Variants in P3H2 observed in about 807,000 individuals in gnomAD.
P3H2 encodes the protein leprecan-like 1.
A neutral mutation model predicts 87.0 loss-of-function variants in P3H2; 80 were observed. The ratio of observed to expected loss-of-function variants is 0.92; its 90% CI spans 0.77 to 1.11. The LOEUF (loss-of-function observed/expected upper bound fraction) is 1.11, where lower values mean the gene tolerates loss of function less well. Ranked by LOEUF, P3H2 falls within the 50% of genes least tolerant of loss-of-function variation. P3H2 has a pLI of 0.00. For missense variants in P3H2, 1,001 were observed against 923.9 expected (o/e 1.08, Z -1.08); for synonymous variants, 367 against 359.3 (o/e 1.02, Z -0.24).
chr3:190,120,932 C>A (rs915195487), upstream of P3H2: 5 of 724,266 alleles, frequency 6.9e-6, no homozygotes, highest in Non-Finnish European at 1.0e-5. Flanking sequence ...CTTAAAGGGA[C>A]GCCCACAGCT....
chr3:189,999,936 A>T (rs2108927439), intron 1 of P3H2, among the ~76,000 whole-genome samples: 1 of 152,310 alleles, frequency 6.6e-6, no homozygotes, highest in African/African-American at 2.4e-5. Context: ...TGGACAAAGA[A>T]ATGAACATTG....
At chr3:190,104,822 A>G (rs1283991876) in intron 1 of P3H2, among the ~76,000 whole-genome samples, 1 of 152,162 alleles carries the variant, frequency 6.6e-6, no homozygotes, top group African/African-American at 2.4e-5. Flanking sequence ...ACTGATGCCA[A>G]TCATGCATGT....
At chr3:190,078,578 C>A (rs1726944152) in intron 1 of P3H2, among the ~76,000 whole-genome samples, 1 of 152,064 alleles carries the variant, frequency 6.6e-6, no homozygotes, top group African/African-American at 2.4e-5. Flanking sequence ...GCAAAGGAGA[C>A]CAACGAGCTA....
In P3H2 at chr3:189,974,598, A is replaced by G. The variant is rs933120892; in HGVS notation, c.1412T>C (p.Leu471Pro). ...GAGCTCCCGGCACTGTTCTTCCGAC[A>G]GGACGTTATCCAGGAGAACCCGCTG... ...GTQRVLLDNV[L>P]SEEQCRELHS... The change falls in exon 9 of 15, where the codon CTG becomes CCG. Residue 471 changes from leucine (L) to proline (P), a missense_variant. Coordinates refer to ENST00000319332, the MANE Select transcript of P3H2 (RefSeq NM_018192.4). The G allele has an allele frequency of 6.2e-7, 1 of 1,614,162 alleles. No homozygotes were observed. Among genetic ancestry groups the G allele is most frequent in the Non-Finnish European group, 8.5e-7 (1 of 1,180,024 alleles).
intron 3 of P3H2, among the ~76,000 whole-genome samples, chr3:189,993,408 C>T (rs917469505): frequency 6.6e-6 from 1 of 151,258 alleles, no homozygotes; most frequent in Non-Finnish European, 1.5e-5. Context: ...TTATATTTTA[C>T]ACTTATATTG....
Position 190,120,854 on chromosome 3 carries a change from C to G in P3H2, c.-123G>C. On this transcript the variant is annotated 5_prime_UTR_variant, in exon 1 of 15. Coordinates refer to ENST00000319332, the MANE Select transcript of P3H2 (RefSeq NM_018192.4). Reference sequence around the variant, plus strand: ...CCGACTCCGCCGCGATCTGGCCGCTCCGCGAGCCCCAGGTGACCGCCGGCG... The same window carrying G: ...CCGACTCCGCCGCGATCTGGCCGCTGCGCGAGCCCCAGGTGACCGCCGGCG... The G allele has an allele frequency of 7.1e-7, 1 of 1,411,820 alleles. No homozygotes were observed. Among genetic ancestry groups the G allele is most frequent in the Non-Finnish European group, 9.3e-7 (1 of 1,079,752 alleles). 87.5% of individuals were successfully genotyped at this position (1,411,820 alleles called of 1,614,324 possible). A position where few individuals can be genotyped will look rare whatever the true frequency, so the allele number is the denominator to read the frequency against.
chr3:189,976,774 T>C (rs902645977), intron 8 of P3H2, among the ~76,000 whole-genome samples: 1 of 152,210 alleles, frequency 6.6e-6, no homozygotes, highest in Non-Finnish European at 1.5e-5. Flanking sequence ...TAATTGCTTC[T>C]CTTAATTTTT....
intron 6 of P3H2, among the ~76,000 whole-genome samples, chr3:189,986,546 G>A (rs777286401): frequency 1.3e-5 from 2 of 152,066 alleles, no homozygotes; most frequent in Admixed American, 6.6e-5. Flanking sequence ...CCGAGATCAC[G>A]CCACTGCACT....
chr3:190,043,063 G>A (rs1725689209), intron 1 of P3H2, among the ~76,000 whole-genome samples: 1 of 152,128 alleles, frequency 6.6e-6, no homozygotes, highest in Non-Finnish European at 1.5e-5. Context: ...GAGAGAGTAA[G>A]TATAGGAAAG....
chr3:190,045,821 G>A (rs1227091621), intron 1 of P3H2, among the ~76,000 whole-genome samples: 1 of 151,934 alleles, frequency 6.6e-6, no homozygotes, highest in Non-Finnish European at 1.5e-5. Context: ...CTCAGCTCAT[G>A]GTTAAGAGTT....
intron 1 of P3H2, among the ~76,000 whole-genome samples, chr3:190,058,363 C>T (rs1215133929): frequency 6.6e-6 from 1 of 152,052 alleles, no homozygotes; most frequent in Admixed American, 6.6e-5. Context: ...GATACCTATC[C>T]CCGCCCCCAA....
intron 1 of P3H2, among the ~76,000 whole-genome samples, chr3:190,041,519 C>T (rs187743252): frequency 6.6e-6 from 1 of 152,222 alleles, no homozygotes; most frequent in East Asian, 1.9e-4. Flanking sequence ...CAAACTAGTA[C>T]TTCAGTCAGA....
rs1248458690 is a variant in P3H2 at position 189,957,226 on chromosome 3, C to G, written c.*686G>C. 2.5e-6 allele frequency: 1 copy of G among 399,156 alleles called. No individual in the cohort carries two copies. The highest frequency in any genetic ancestry group is 4.4e-6 in the Non-Finnish European group (1 of 226,662). The allele number at this position is 399,156 out of a possible 1,614,324, so 24.7% of individuals were successfully genotyped here. A position where few individuals can be genotyped will look rare whatever the true frequency, so the allele number is the denominator to read the frequency against. On this transcript the variant is annotated 3_prime_UTR_variant, in exon 15 of 15. Coordinates refer to ENST00000319332, the MANE Select transcript of P3H2 (RefSeq NM_018192.4). The stretch of plus-strand genomic sequence containing the variant: ...CATGATACCTGAGGCAGCGTGGACT[C>G]TGCCAGGGGCTCCTCAGACCCAAAG...
intron 14 of P3H2, among the ~76,000 whole-genome samples, chr3:189,960,645 T>C (rs1369828567): frequency 1.3e-5 from 2 of 152,220 alleles, no homozygotes; most frequent in Non-Finnish European, 2.9e-5. Flanking sequence ...GTTTAATTAG[T>C]TGGGTCCTTG....
At chr3:190,024,963 C>G (rs1229111263) in intron 1 of P3H2, among the ~76,000 whole-genome samples, 1 of 151,598 alleles carries the variant, frequency 6.6e-6, no homozygotes, top group Non-Finnish European at 1.5e-5. Flanking sequence ...AAATCCAGTC[C>G]AAAAACAGAC....
intron 8 of P3H2, among the ~76,000 whole-genome samples, chr3:189,979,605 C>T (rs1447267811): frequency 6.6e-6 from 1 of 151,922 alleles, no homozygotes. Context: ...AAGTTTATTC[C>T]CCAACATTGT....
Position 189,987,641 on chromosome 3 carries a change from A to T in P3H2, c.984T>A (p.Cys328Ter), listed in dbSNP as rs930603073. Residue 328 changes from cysteine to a stop codon, truncating the protein, a stop_gained, in exon 5 of 15, where the codon TGT becomes TGA. Transcript: ENST00000319332. LOFTEE classifies it high-confidence loss of function. Reference sequence around the variant, plus strand: ...GATGGCATAGAAGATAGGCTTTGGCACACTCCAGGGCTTTCACATACTCAC... The same window carrying T: ...GATGGCATAGAAGATAGGCTTTGGCTCACTCCAGGGCTTTCACATACTCAC... The part of the protein sequence containing the change: ...RVGEYVKALE[C>*]AKAYLLCHPD... 80 of 1,614,224 alleles carry T rather than the reference A, an allele frequency of 5.0e-5. No homozygotes were observed. The highest frequency in any genetic ancestry group is 6.7e-5 in the Non-Finnish European group (79 of 1,180,036).
At chr3:190,062,956 G>A (rs1268769067) in intron 1 of P3H2, among the ~76,000 whole-genome samples, 1 of 152,076 alleles carries the variant, frequency 6.6e-6, no homozygotes, top group Non-Finnish European at 1.5e-5. Context: ...AGGGCCATGA[G>A]CAAATTCTAT....
rs3062112 is a variant in P3H2, at chr3:189,957,700, AAGAGAG to A, written c.*206_*211del. 261 of 542,768 alleles carry A rather than the reference AAGAGAG, an allele frequency of 4.8e-4. No homozygotes were observed. Among genetic ancestry groups the A allele is most frequent in the African/African-American group, 1.5e-3 (75 of 51,100 alleles). The allele number at this position is 542,768 out of a possible 1,614,324, so 33.6% of individuals were successfully genotyped here. The stretch of plus-strand genomic sequence containing the variant: ...AACATGGTTAGACCATGTCTCTAAG[AAGAGAG>A]AGAGAGAGAGAGAGAGAGAAAACAA... On this transcript the variant is annotated 3_prime_UTR_variant, in exon 15 of 15. Transcript: ENST00000319332.
Sources: allele counts gnomAD v4.1 joint callset (sites outside exome capture counted in the v4.1 genomes callset), GRCh38; gene constraint gnomAD v4.1.1; transcripts MANE v1.5; gene names NCBI Gene and HGNC (gene_info 2026-07-23, HGNC 2026-07-21).